NUP153: variants seen among roughly 807,000 people sequenced by gnomAD.
NUP153 encodes the protein nuclear pore complex protein Nup153.
Under a neutral mutation model 134.6 loss-of-function variants are expected in NUP153, and 27 were observed. The ratio of observed to expected loss-of-function variants is 0.20; its 90% CI spans 0.15 to 0.28. The LOEUF (loss-of-function observed/expected upper bound fraction) is 0.28. NUP153 is among the 10% of genes least tolerant of loss of function. NUP153 has a pLI of 1.00. For synonymous variants in NUP153, 640 were observed against 623.5 expected, an observed-to-expected ratio of 1.03 and a Z score of -0.40; for missense variants, 1,821 against 1,731.3, an observed-to-expected ratio of 1.05 and a Z score of -0.92.
intron 21 of NUP153, 94 bp from the exon 22 acceptor site, chr6:17,616,275 G>T: frequency 7.7e-6 from 4 of 518,994 alleles, no homozygotes; most frequent in Non-Finnish European, 1.4e-5. Flanking sequence ...GGGTAAGGGG[G>T]GTCGGGTGGG....
At chr6:17,618,856 G>A (rs1324428750) in intron 20 of NUP153, among the ~76,000 whole-genome samples, 1 of 152,204 alleles carries the variant, frequency 6.6e-6, no homozygotes, top group Non-Finnish European at 1.5e-5. Context: ...GTGAGCCACT[G>A]CGCCCAGCAG....
intron 20 of NUP153, among the ~76,000 whole-genome samples, chr6:17,622,897 G>A (rs139146297): frequency 8.5e-4 from 130 of 152,248 alleles, no homozygotes; most frequent in Non-Finnish European, 1.6e-3. Flanking sequence ...GTGGGAGGCC[G>A]AGGTGGGTGG....
At chr6:17,701,831 T>TCGGG (rs1554148643) in intron 1 of NUP153, among the ~76,000 whole-genome samples, 2 of 15,054 alleles carry the variant, frequency 1.3e-4, no homozygotes, top group Non-Finnish European at 3.7e-4. Flanking sequence ...AGACTCTGTC[T>TCGGG]CGGGGGGGGG....
chr6:17,685,520 G>C (rs1159255110), intron 2 of NUP153, among the ~76,000 whole-genome samples: 1 of 148,368 alleles, frequency 6.7e-6, no homozygotes, highest in Non-Finnish European at 1.5e-5. Context: ...CTGCACTCCA[G>C]CCTGGGCAAC....
rs1768130245 is a variant in NUP153, at chr6:17,675,004, G to T, written c.753C>A (p.Thr251=). 1 of 1,613,316 alleles carries T rather than the reference G, an allele frequency of 6.2e-7. No individual in the cohort carries two copies. The highest frequency in any genetic ancestry group is 8.5e-7 in the Non-Finnish European group (1 of 1,179,580). The change falls in exon 5 of 22, where the codon ACC becomes ACA. Residue 251 remains threonine, a synonymous_variant. Coordinates refer to ENST00000262077, the MANE Select transcript of NUP153 (RefSeq NM_005124.4). This position sits in a 1 kb window ranked among gnomAD's most constrained non-coding sequence, Gnocchi z 4.4. ...PSLGNSSILK[T]SQLGDSPFYP... is the part of the protein sequence containing the mutation. ...AAAAAGGAGAATCTCCAAGCTGACTGGTTTTAAGGATTGAAGAATTCCCAA... is the reference window on the plus strand; with the variant it reads ...AAAAAGGAGAATCTCCAAGCTGACTTGTTTTAAGGATTGAAGAATTCCCAA...
Position 17,706,127 on chromosome 6 carries a change from C to G in NUP153, c.111+150G>C, listed in dbSNP as rs1295222531. The G allele has an allele frequency of 1.5e-5, 10 of 653,026 alleles. No homozygotes were observed. Among genetic ancestry groups the G allele is most frequent in the South Asian group, 3.7e-5 (2 of 54,232 alleles). 40.5% of individuals were successfully genotyped at this position (653,026 alleles called of 1,614,324 possible). A position where few individuals can be genotyped will look rare whatever the true frequency, so the allele number is the denominator to read the frequency against. Reference sequence around the variant, plus strand: ...CTCAGCCCACTTCCCGTCGCCACCCCCAACGGCCTGAGCTCCCCCGGAGCC... The same window carrying G: ...CTCAGCCCACTTCCCGTCGCCACCCGCAACGGCCTGAGCTCCCCCGGAGCC... On this transcript the variant is annotated intron_variant, in intron 1 of 21. Coordinates refer to ENST00000262077, the MANE Select transcript of NUP153 (RefSeq NM_005124.4). This position sits in a 1 kb window ranked among gnomAD's most constrained non-coding sequence, Gnocchi z 5.9.
intron 11 of NUP153, among the ~76,000 whole-genome samples, chr6:17,652,995 C>CTCCA (rs1325551227): frequency 6.6e-6 from 1 of 152,150 alleles, no homozygotes; most frequent in Non-Finnish European, 1.5e-5. Context: ...CGCCATTGTA[C>CTCCA]TCCAGCCTAG....
At chr6:17,674,403 AAAT>A (rs1363364992) in intron 5 of NUP153, among the ~76,000 whole-genome samples, 1 of 152,214 alleles carries the variant, frequency 6.6e-6, no homozygotes, top group African/African-American at 2.4e-5. Context: ...CTTAGGTCTA[AAAT>A]AATGTTTATA....
chr6:17,655,158 T>C lies in NUP153; in HGVS notation c.1396-5858A>G, dbSNP rs56781570. Among the ~76,000 whole-genome samples, 177 of 152,330 alleles carry C rather than the reference T, an allele frequency of 1.2e-3. 1 individual carries two copies. Among genetic ancestry groups the C allele is most frequent in the African/African-American group, 3.8e-3 (158 of 41,588 alleles). The stretch of plus-strand genomic sequence containing the variant: ...CACACAAAAAAACTCATGGATTGAT[T>C]GGTAGGACAGTAAAAGCAAAAGGCC... On this transcript the variant is annotated intron_variant, in intron 11 of 21. Transcript: ENST00000262077.
intron 20 of NUP153, among the ~76,000 whole-genome samples, chr6:17,617,292 G>T (rs1764381589): frequency 6.6e-6 from 1 of 152,014 alleles, no homozygotes. Context: ...TTTGAAAAGT[G>T]CATTAAAACA....
At chr6:17,648,415 A>G (rs1385863163) in intron 12 of NUP153, among the ~76,000 whole-genome samples, 3 of 152,150 alleles carry the variant, frequency 2.0e-5, no homozygotes, top group African/African-American at 7.2e-5. Context: ...TCAGGAGTTC[A>G]AGATCAGCCT....
intron 1 of NUP153, among the ~76,000 whole-genome samples, chr6:17,699,471 A>G (rs1769900890): frequency 6.9e-6 from 1 of 144,800 alleles, no homozygotes; most frequent in African/African-American, 2.6e-5. Context: ...TGACAGGGCG[A>G]GACTCGTCTC....
At chr6:17,663,045 T>C (rs1259575596) in intron 9 of NUP153, among the ~76,000 whole-genome samples, 3 of 152,120 alleles carry the variant, frequency 2.0e-5, no homozygotes, top group African/African-American at 7.2e-5. Context: ...GTAAATAGAA[T>C]CTGTAGATTA....
At chr6:17,630,876 C>T (rs1378208585) in intron 17 of NUP153, among the ~76,000 whole-genome samples, 1 of 151,952 alleles carries the variant, frequency 6.6e-6, no homozygotes, top group Non-Finnish European at 1.5e-5. Flanking sequence ...TTTCATAATG[C>T]TTTTCTGCAG....
Position 17,638,662 on chromosome 6 carries a change from T to C in NUP153, c.1847-892A>G, listed in dbSNP as rs1765684455. Among the ~76,000 whole-genome samples the C allele has an allele frequency of 6.6e-6, 1 of 152,220 alleles. No individual in the cohort carries two copies. Among genetic ancestry groups the C allele is most frequent in the African/African-American group, 2.4e-5 (1 of 41,448 alleles). ...TTTCTTCTACTTTTTCAGATTTTCCTAATTTCAGTCAAATGAAGATTCTCC... is the reference window on the plus strand; with the variant it reads ...TTTCTTCTACTTTTTCAGATTTTCCCAATTTCAGTCAAATGAAGATTCTCC... On this transcript the variant is annotated intron_variant, in intron 15 of 21. Transcript: ENST00000262077. This position sits in a 1 kb window ranked among gnomAD's most constrained non-coding sequence, Gnocchi z 4.0.
At chr6:17,679,504 T>C (rs1768444847) in intron 2 of NUP153, among the ~76,000 whole-genome samples, 2 of 152,120 alleles carry the variant, frequency 1.3e-5, no homozygotes, top group Admixed American at 6.5e-5. Flanking sequence ...TTTGCAGAAA[T>C]AGAAAACCCA....
In NUP153 at chr6:17,688,445, A is replaced by G; in HGVS notation, c.285T>C (p.Asn95=). The change falls in exon 2 of 22, where the codon AAT becomes AAC. Residue 95 remains asparagine (N), a synonymous_variant. Coordinates refer to ENST00000262077, the MANE Select transcript of NUP153 (RefSeq NM_005124.4). Reference sequence around the variant, plus strand: ...CAGGTGTGATTCTCCCATCAGTAATATTAGAGCTCTCCTCATCGGCATATA... The same window carrying G: ...CAGGTGTGATTCTCCCATCAGTAATGTTAGAGCTCTCCTCATCGGCATATA... ...HLVYADEESS[N]ITDGRITPEP... The G allele has an allele frequency of 6.2e-7, 1 of 1,614,156 alleles. No homozygotes were observed. Among genetic ancestry groups the G allele is most frequent in the Non-Finnish European group, 8.5e-7 (1 of 1,180,006 alleles).
chr6:17,640,783 AT>A (rs112052068), intron 14 of NUP153, among the ~76,000 whole-genome samples: 2,480 of 146,428 alleles, frequency 0.017, 28 homozygotes, highest in Middle Eastern at 0.039. Flanking sequence ...CATCTAGCTC[AT>A]TTTTTTTTTT....
intron 17 of NUP153, 84 bp downstream of exon 17, chr6:17,632,566 A>G: frequency 1.1e-6 from 1 of 940,868 alleles, no homozygotes; most frequent in South Asian, 1.7e-5. Context: ...TGAACACTGA[A>G]GCTGTTCTCA....
Sources: gnomAD v4.1 joint callset for allele counts (sites outside exome capture counted in the v4.1 genomes callset) on GRCh38, gnomAD v4.1.1 for gene constraint, Gnocchi (gnomAD v3.1) non-coding constraint, MANE v1.5 for transcripts, NCBI Gene and HGNC (gene_info 2026-07-23, HGNC 2026-07-21) for gene names.